The following CD81 variants were observed in gnomAD, a reference collection of about 807,000 sequenced individuals.
The protein encoded by CD81 is CD81 antigen.
Under a neutral mutation model 30.1 loss-of-function variants are expected in CD81, and 10 were observed. The observed-to-expected ratio is 0.33, with a 90% CI of 0.21 to 0.56. The LOEUF is 0.56. Ranked by LOEUF, CD81 falls within the 20% of genes least tolerant of loss-of-function variation. The probability of loss-of-function intolerance (pLI) is 0.89; values close to 1 mark genes in which losing one functional copy is unlikely to be tolerated. For synonymous variants in CD81, 147 were observed against 126.4 expected (o/e 1.16, Z -1.10); for missense variants, 263 against 308.7 (o/e 0.85, Z 1.11).
chr11:2,377,773 G>C lies in CD81; in HGVS notation c.66+158G>C, dbSNP rs568901691. On this transcript the variant is annotated intron_variant, in intron 1 of 7. Coordinates refer to ENST00000263645, the MANE Select transcript of CD81 (RefSeq NM_004356.4). The surrounding 1 kb of genome is among the most constrained non-coding windows in gnomAD (Gnocchi z 7.7). Reference sequence around the variant, plus strand: ...AGGAGCGGGGTGGGGGGTCGCCCGGGGCCACCGCGCCCCCCGACATTGGGG... The same window carrying C: ...AGGAGCGGGGTGGGGGGTCGCCCGGCGCCACCGCGCCCCCCGACATTGGGG... 1 of 305,050 alleles carries C rather than the reference G, an allele frequency of 3.3e-6. No individual in the cohort carries two copies. The highest frequency in any genetic ancestry group is 6.0e-6 in the Non-Finnish European group (1 of 165,524). 18.9% of individuals were successfully genotyped at this position (305,050 alleles called of 1,614,324 possible). A position where few individuals can be genotyped will look rare whatever the true frequency, so the allele number is the denominator to read the frequency against.
chr11:2,390,557 A>T (rs775074562), intron 2 of CD81, 31 bp downstream of exon 2: 8 of 1,494,670 alleles, frequency 5.4e-6, no homozygotes, highest in Non-Finnish European at 5.6e-6. Flanking sequence ...AGACGCATTC[A>T]GGGAGGGCTT....
In CD81 at chr11:2,395,458, CAGG is replaced by C; in HGVS notation, c.398_400del (p.Gln133_Ala134delinsPro). On this transcript the variant is annotated inframe_deletion, in exon 5 of 8. Transcript: ENST00000263645. Reference sequence around the variant, plus strand: ...GCAGTTCTATGACCAGGCCCTACAGCAGGCCGTGGTGGATGATGACGCCAACAA... The same window carrying C: ...GCAGTTCTATGACCAGGCCCTACAGCCCGTGGTGGATGATGACGCCAACAA... 1 of 1,612,798 alleles carries C rather than the reference CAGG, an allele frequency of 6.2e-7. No individual in the cohort carries two copies. The highest frequency in any genetic ancestry group is 8.5e-7 in the Non-Finnish European group (1 of 1,179,902).
intron 3 of CD81, among the ~76,000 whole-genome samples, chr11:2,394,621 G>A (rs1400820490): frequency 3.3e-5 from 5 of 152,302 alleles, no homozygotes; most frequent in East Asian, 3.9e-4. Context: ...GAACAAGGGG[G>A]TGGGGAAGAT....
At chr11:2,379,912 G>C (rs1043404556) in intron 1 of CD81, among the ~76,000 whole-genome samples, 7 of 152,160 alleles carry the variant, frequency 4.6e-5, no homozygotes, top group African/African-American at 1.4e-4. Context: ...CTCCACCCTG[G>C]TGTCGCAGGG....
At chr11:2,384,277 TGTGGG>T (rs1849748539) in intron 1 of CD81, among the ~76,000 whole-genome samples, 1 of 140,958 alleles carries the variant, frequency 7.1e-6, no homozygotes, top group Non-Finnish European at 1.5e-5. Flanking sequence ...CAGAGCATCT[TGTGGG>T]GTGGGGCGGC....
Position 2,395,654 on chromosome 11 carries a change from T to G in CD81, c.459+134T>G, listed in dbSNP as rs60058561. ...CCCTTGGGACCTCCAGGACCCCTGG[T>G]CTCAACTGGTCCTCGGGTGGGAACC... On this transcript the variant is annotated intron_variant, in intron 5 of 7. Coordinates refer to ENST00000263645, the MANE Select transcript of CD81 (RefSeq NM_004356.4). The G allele has an allele frequency of 0.032, 25,391 of 788,758 alleles. 1,905 individuals carry two copies. Among genetic ancestry groups the G allele is most frequent in the African/African-American group, 0.23 (13,753 of 58,652 alleles). 48.9% of individuals were successfully genotyped at this position (788,758 alleles called of 1,614,324 possible).
chr11:2,390,412 C>T lies in CD81; in HGVS notation c.67C>T (p.Leu23=). ...TGACACTGTTCCCGCTCTTTCCCAG[C>T]TGGCTGGAGGCGTGATCCTGGGTGT... The part of the protein sequence containing the change: ...LLFVFNFVFW[L]AGGVILGVAL... The change falls in exon 2 of 8, where the codon CTG becomes TTG. Residue 23 remains leucine, a splice_region_variant and synonymous_variant. Coordinates refer to ENST00000263645, the MANE Select transcript of CD81 (RefSeq NM_004356.4). 1 of 1,611,206 alleles carries T rather than the reference C, an allele frequency of 6.2e-7. No individual in the cohort carries two copies. Among genetic ancestry groups the T allele is most frequent in the Middle Eastern group, 1.7e-4 (1 of 6,024 alleles).
chr11:2,395,975 G>T lies in CD81; in HGVS notation c.561+5G>T. On this transcript the variant is annotated splice_donor_5th_base_variant and intron_variant, in intron 6 of 7. Coordinates refer to ENST00000263645, the MANE Select transcript of CD81 (RefSeq NM_004356.4). ...ATCATCAGCAACCTCTTCAAGGTGC[G>T]CGAGGCCGGTGGGGCCGCGCCTGAC... 3 of 1,599,534 alleles carry T rather than the reference G, an allele frequency of 1.9e-6. No individual in the cohort carries two copies. The highest frequency in any genetic ancestry group is 2.6e-6 in the Non-Finnish European group (3 of 1,168,482).
chr11:2,384,815 T>G (rs1310067644), intron 1 of CD81: 1 of 153,292 alleles, frequency 6.5e-6, no homozygotes, highest in Admixed American at 6.5e-5. Context: ...CTAAGTTGTG[T>G]GCATGTCAGC....
At chr11:2,389,835 G>A (rs937773124) in intron 1 of CD81, among the ~76,000 whole-genome samples, 3 of 152,038 alleles carry the variant, frequency 2.0e-5, no homozygotes, top group African/African-American at 7.2e-5. Context: ...TCTCCTCCTG[G>A]CAGCAAAGAT....
chr11:2,397,002 GTTTT>G lies in CD81; in HGVS notation c.*137_*140del. On this transcript the variant is annotated 3_prime_UTR_variant, in exon 8 of 8. Transcript: ENST00000263645. ...TACACGTAGCCTTTTTACTTTTGGG[GTTTT>G]GTTTTTGTTCTGAACTTTCCTGTTA... 1 of 887,040 alleles carries G rather than the reference GTTTT, an allele frequency of 1.1e-6. No individual in the cohort carries two copies. The highest frequency in any genetic ancestry group is 1.4e-5 in the South Asian group (1 of 69,742). The allele number at this position is 887,040 out of a possible 1,614,324, so 54.9% of individuals were successfully genotyped here. A position where few individuals can be genotyped will look rare whatever the true frequency, so the allele number is the denominator to read the frequency against.
chr11:2,376,364 C>T (rs1314795336), upstream of CD81: 1 of 152,226 alleles, frequency 6.6e-6, no homozygotes, highest in East Asian at 1.9e-4. Context: ...CCAGGTAAGC[C>T]CCCGCCCAGG....
At chr11:2,393,932 G>A (rs759925248) in intron 2 of CD81, 163 bp from the exon 3 acceptor site, 1 of 707,924 alleles carries the variant, frequency 1.4e-6, no homozygotes, top group South Asian at 1.5e-5. Context: ...AACTCACCAG[G>A]CCAGGCTGGG....
Position 2,394,091 on chromosome 11 carries a change from C to T in CD81, c.182-4C>T, listed in dbSNP as rs1358819816. The T allele has an allele frequency of 6.2e-6, 10 of 1,610,956 alleles. No individual in the cohort carries two copies. Among genetic ancestry groups the T allele is most frequent in the Non-Finnish European group, 7.6e-6 (9 of 1,177,858 alleles). On this transcript the variant is annotated splice_polypyrimidine_tract_variant and splice_region_variant and intron_variant, in intron 2 of 7. Transcript: ENST00000263645. ...CACCCACCTGGTGTCTCTCTCCCCGCAAGGCATCTACATCCTCATCGCTGT... is the reference window on the plus strand; with the variant it reads ...CACCCACCTGGTGTCTCTCTCCCCGTAAGGCATCTACATCCTCATCGCTGT...
chr11:2,382,002 A>G (rs1479634448), intron 1 of CD81, among the ~76,000 whole-genome samples: 3 of 152,108 alleles, frequency 2.0e-5, no homozygotes, highest in African/African-American at 4.8e-5. Context: ...AAGCCCCCCA[A>G]CCTGGGCTGC....
intron 2 of CD81, among the ~76,000 whole-genome samples, chr11:2,390,775 C>T (rs1030740299): frequency 1.3e-5 from 2 of 152,112 alleles, no homozygotes; most frequent in African/African-American, 4.8e-5. Context: ...GTGTGGAGAC[C>T]TTGCTTATTT....
intron 1 of CD81, among the ~76,000 whole-genome samples, chr11:2,388,216 C>T (rs1444482327): frequency 4.6e-5 from 7 of 152,216 alleles, no homozygotes; most frequent in Non-Finnish European, 8.8e-5. Context: ...CCAGCCCCCT[C>T]TGGCCTTATT....
chr11:2,388,806 G>A (rs1265229348), intron 1 of CD81, among the ~76,000 whole-genome samples: 1 of 152,188 alleles, frequency 6.6e-6, no homozygotes, highest in Non-Finnish European at 1.5e-5. Context: ...GAAGCCCCCA[G>A]GGCCTGGCCC....
intron 1 of CD81, among the ~76,000 whole-genome samples, chr11:2,383,317 G>A (rs1010758050): frequency 1.3e-5 from 2 of 152,086 alleles, no homozygotes; most frequent in Non-Finnish European, 2.9e-5. Context: ...ACGTCACCCA[G>A]GGAGGAGTCT....
Sources: gnomAD v4.1 joint callset for allele counts (sites outside exome capture counted in the v4.1 genomes callset) on GRCh38, gnomAD v4.1.1 for gene constraint, Gnocchi (gnomAD v3.1) non-coding constraint, MANE v1.5 for transcripts, NCBI Gene and HGNC (gene_info 2026-07-23, HGNC 2026-07-21) for gene names.